Variants in RBFOX1 observed in about 807,000 individuals in gnomAD.
RBFOX1 encodes RNA binding fox-1 homolog 1.
Under a neutral mutation model 57.7 loss-of-function variants are expected in RBFOX1, and 8 were observed. The observed-to-expected ratio is 0.14, with a 90% CI of 0.08 to 0.25. The LOEUF (loss-of-function observed/expected upper bound fraction) is 0.25. RBFOX1 is among the 10% of genes least tolerant of loss of function. RBFOX1 has a pLI of 1.00. For synonymous variants in RBFOX1, 326 were observed against 222.4 expected (o/e 1.47, Z -4.15); for missense variants, 611 against 548.5 (o/e 1.11, Z -1.14).
At chr16:5,802,178 G>C (rs577304970) in intron 3 of RBFOX1, among the ~76,000 whole-genome samples, 2 of 152,220 alleles carry the variant, frequency 1.3e-5, no homozygotes, top group African/African-American at 4.8e-5. Context: ...AATTTTATTT[G>C]CTGCCCAAAC....
At chr16:6,775,360 A>G (rs750713455) in intron 3 of RBFOX1, among the ~76,000 whole-genome samples, 51 of 151,238 alleles carry the variant, frequency 3.4e-4, no homozygotes, top group Non-Finnish European at 5.0e-4. Context: ...AAAGTAGACA[A>G]AAAGCCTACA....
intron 3 of RBFOX1, among the ~76,000 whole-genome samples, chr16:6,886,107 G>C (rs1218225738): frequency 1.3e-5 from 2 of 150,172 alleles, no homozygotes; most frequent in African/African-American, 4.9e-5. Flanking sequence ...CTGTCACCAG[G>C]CTGGAGTGCA....
chr16:6,338,713 GA>G (rs1567967796), intron 2 of RBFOX1, among the ~76,000 whole-genome samples: 1 of 152,142 alleles, frequency 6.6e-6, no homozygotes, highest in African/African-American at 2.4e-5. Context: ...CAAGAGACCT[GA>G]AAAAGTTAGT....
chr16:7,165,275 A>G (rs2079184773), intron 4 of RBFOX1, among the ~76,000 whole-genome samples: 1 of 151,914 alleles, frequency 6.6e-6, no homozygotes, highest in Non-Finnish European at 1.5e-5. Flanking sequence ...GCAAGGGGGC[A>G]GAGAGGGTGA....
At chr16:7,414,772 C>A (rs908254894) in intron 4 of RBFOX1, among the ~76,000 whole-genome samples, 1 of 152,142 alleles carries the variant, frequency 6.6e-6, no homozygotes, top group Non-Finnish European at 1.5e-5. Flanking sequence ...CGTGTGCCAC[C>A]ATGACTGGCC....
chr16:7,155,386 C>T (rs1362123275), intron 4 of RBFOX1, among the ~76,000 whole-genome samples: 3 of 151,670 alleles, frequency 2.0e-5, no homozygotes, highest in Non-Finnish European at 4.4e-5. Context: ...GCCAGGAGTT[C>T]AAAACCAGCC....
At chr16:7,459,272 A>T (rs1885894014) in intron 4 of RBFOX1, among the ~76,000 whole-genome samples, 1 of 152,204 alleles carries the variant, frequency 6.6e-6, no homozygotes, top group African/African-American at 2.4e-5. Flanking sequence ...ATGGATACCA[A>T]CAATTATTAT....
intron 3 of RBFOX1, among the ~76,000 whole-genome samples, chr16:7,051,456 T>G (rs1371675871): frequency 2.6e-5 from 4 of 152,226 alleles, no homozygotes; most frequent in East Asian, 1.9e-4. Context: ...ATACCCACTT[T>G]CCTATCTGAT....
intron 3 of RBFOX1, among the ~76,000 whole-genome samples, chr16:6,822,127 G>T (rs945403203): frequency 1.3e-5 from 2 of 152,130 alleles, no homozygotes; most frequent in Non-Finnish European, 2.9e-5. Context: ...GACTGAGAAA[G>T]GATACAGGGA....
At chr16:6,942,454 C>T (rs1017871374) in intron 3 of RBFOX1, among the ~76,000 whole-genome samples, 14 of 152,084 alleles carry the variant, frequency 9.2e-5, no homozygotes, top group Non-Finnish European at 1.6e-4. Context: ...CCATTGTGCC[C>T]AGCCAGGATG....
At chr16:7,543,561 A>G (rs2152486362) in intron 5 of RBFOX1, among the ~76,000 whole-genome samples, 1 of 152,288 alleles carries the variant, frequency 6.6e-6, no homozygotes, top group South Asian at 2.1e-4. Flanking sequence ...CTGTGGTGAC[A>G]CAACTGATTG....
At chr16:7,226,191 C>A (rs371817759) in intron 4 of RBFOX1, among the ~76,000 whole-genome samples, 5 of 152,186 alleles carry the variant, frequency 3.3e-5, no homozygotes, top group South Asian at 2.1e-4. Context: ...CTCTCAGGTA[C>A]CCTGTGCACA....
Position 7,214,982 on chromosome 16 carries a change from G to C in RBFOX1, c.27+162884G>C, listed in dbSNP as rs60555334. On this transcript the variant is annotated intron_variant, in intron 4 of 15. Coordinates refer to ENST00000550418, the MANE Select transcript of RBFOX1 (RefSeq NM_018723.4). The stretch of plus-strand genomic sequence containing the variant: ...TGTCCACGTGCCATGGTGGTTTGCT[G>C]CACCTATCAACCCATCATCTAGGTT... Among the ~76,000 whole-genome samples the C allele has an allele frequency of 5.5e-3, 836 of 152,184 alleles. 10 individuals are homozygous for C. Among genetic ancestry groups the C allele is most frequent in the African/African-American group, 0.019 (783 of 41,534 alleles).
At chr16:6,530,716 A>G (rs914107961) in intron 2 of RBFOX1, among the ~76,000 whole-genome samples, 1 of 150,014 alleles carries the variant, frequency 6.7e-6, no homozygotes, top group Non-Finnish European at 1.5e-5. Flanking sequence ...GAAGAGAGAG[A>G]GCTTCTGCAG....
chr16:7,021,643 T>C (rs1164160163), intron 3 of RBFOX1, among the ~76,000 whole-genome samples: 1 of 147,920 alleles, frequency 6.8e-6, no homozygotes, highest in East Asian at 2.0e-4. Context: ...ATAAAAATTT[T>C]ATTAAAATTT....
chr16:6,432,832 G>C (rs564804598), intron 2 of RBFOX1, among the ~76,000 whole-genome samples: 1 of 152,114 alleles, frequency 6.6e-6, no homozygotes, highest in South Asian at 2.1e-4. Context: ...ACAAAACTTA[G>C]CTGGGCGTGG....
chr16:6,057,768 C>T (rs1381466653), intron 1 of RBFOX1, among the ~76,000 whole-genome samples: 1 of 145,052 alleles, frequency 6.9e-6, no homozygotes, highest in African/African-American at 2.6e-5. Context: ...GCAATTTTCT[C>T]ATTTTGCCAA....
chr16:6,181,644 C>T (rs2097063865), intron 1 of RBFOX1, among the ~76,000 whole-genome samples: 1 of 152,024 alleles, frequency 6.6e-6, no homozygotes, highest in African/African-American at 2.4e-5. Flanking sequence ...GAGGAGGGTC[C>T]CCACATATTC....
chr16:7,710,445 T>C (rs1458116777), intron 15 of RBFOX1, 178 bp from the exon 16 acceptor site: 37 of 1,431,060 alleles, frequency 2.6e-5, no homozygotes, highest in Admixed American at 3.2e-5. Flanking sequence ...GGAGGAGCTA[T>C]TGGGGAAGGT....
Sources: gnomAD v4.1 joint callset for allele counts (sites outside exome capture counted in the v4.1 genomes callset) on GRCh38, gnomAD v4.1.1 for gene constraint, MANE v1.5 for transcripts, NCBI Gene and HGNC (gene_info 2026-07-23, HGNC 2026-07-21) for gene names.